The following ERC1 variants were observed in gnomAD, a reference collection of about 807,000 sequenced individuals.
ERC1 encodes the protein ELKS/RAB6-interacting/CAST family member 1.
ERC1 carries 56 observed loss-of-function variants against 132.0 expected under a neutral mutation model. The ratio of observed to expected loss-of-function variants is 0.42; its 90% CI spans 0.34 to 0.53. The LOEUF (loss-of-function observed/expected upper bound fraction) is 0.53, where lower values mean the gene tolerates loss of function less well. Among genes scored for constraint, ERC1 ranks in the 20% least tolerant of loss-of-function variants. The probability of loss-of-function intolerance (pLI) is 0.03; values close to 1 mark genes in which losing one functional copy is unlikely to be tolerated. For synonymous variants in ERC1, 478 were observed against 476.1 expected, an observed-to-expected ratio of 1.00 and a Z score of -0.05; for missense variants, 1,202 against 1,349.9, an observed-to-expected ratio of 0.89 and a Z score of 1.72.
chr12:1,439,270 T>C (rs2093036674), intron 17 of ERC1, among the ~76,000 whole-genome samples: 1 of 152,190 alleles, frequency 6.6e-6, no homozygotes, highest in Admixed American at 6.5e-5. Context: ...TAGAATCTTC[T>C]GTTACTATTT....
intron 15 of ERC1, among the ~76,000 whole-genome samples, chr12:1,356,622 CT>C (rs1001544649): frequency 2.6e-5 from 4 of 152,178 alleles, no homozygotes; most frequent in African/African-American, 4.8e-5. Flanking sequence ...CGCTTCCCAT[CT>C]TTTTATGTCT....
chr12:1,382,893 A>T (rs1201661850), intron 16 of ERC1, among the ~76,000 whole-genome samples: 1 of 152,212 alleles, frequency 6.6e-6, no homozygotes, highest in Non-Finnish European at 1.5e-5. Context: ...GAAATAGATC[A>T]TATTTTGATG....
intron 7 of ERC1, among the ~76,000 whole-genome samples, chr12:1,134,009 G>C (rs1315752213): frequency 6.6e-6 from 1 of 152,188 alleles, no homozygotes; most frequent in Non-Finnish European, 1.5e-5. Context: ...TGGGTTGGAT[G>C]CCAAGCATTG....
At chr12:1,121,687 ATCTCTATCTCTATC>A (rs1947146856) in intron 7 of ERC1, among the ~76,000 whole-genome samples, 1 of 60,382 alleles carries the variant, frequency 1.7e-5, no homozygotes, top group Admixed American at 1.7e-4. Context: ...ATCTATCTCT[ATCTCTATCTCTATC>A]TCTATCTGTG....
At chr12:1,262,846 T>C (rs1764435122) in intron 13 of ERC1, among the ~76,000 whole-genome samples, 188 bp from the exon 14 acceptor site, 1 of 151,272 alleles carries the variant, frequency 6.6e-6, no homozygotes, top group Non-Finnish European at 1.5e-5. Context: ...GTTAATGATA[T>C]ACTTCTTCAG....
At chr12:1,446,685 C>T (rs916642366) in intron 18 of ERC1, among the ~76,000 whole-genome samples, 6 of 152,202 alleles carry the variant, frequency 3.9e-5, no homozygotes, top group African/African-American at 1.4e-4. Context: ...TAGAGCTGTA[C>T]TTACTTTCCC....
intron 15 of ERC1, among the ~76,000 whole-genome samples, chr12:1,341,063 CTTTTTCTTTTTTTTTTTTTTTTTT>C (rs2083801028): frequency 6.6e-5 from 3 of 45,160 alleles, no homozygotes; most frequent in Non-Finnish European, 1.4e-4. Context: ...TTATTCTTTT[CTTTTTCTTTTTTTTTTTTTTTTTT>C]TTTTTTTTTT....
chr12:1,240,105 A>C (rs1027404963), intron 13 of ERC1, among the ~76,000 whole-genome samples: 1 of 152,238 alleles, frequency 6.6e-6, no homozygotes, highest in African/African-American at 2.4e-5. Context: ...TCACTGGCCT[A>C]GGATAGACAG....
chr12:1,252,628 G>T (rs552048870), intron 13 of ERC1, among the ~76,000 whole-genome samples: 1 of 152,212 alleles, frequency 6.6e-6, no homozygotes, highest in East Asian at 1.9e-4. Flanking sequence ...TTTGACTTTG[G>T]TTTTTAACAA....
At chr12:1,414,409 A>G (rs2092006086) in intron 17 of ERC1, among the ~76,000 whole-genome samples, 2 of 152,140 alleles carry the variant, frequency 1.3e-5, no homozygotes, top group Admixed American at 1.3e-4. Flanking sequence ...CACTAATTCT[A>G]TCATGAGGGC....
intron 15 of ERC1, among the ~76,000 whole-genome samples, chr12:1,347,217 G>A (rs1248132506): frequency 6.6e-6 from 1 of 152,146 alleles, no homozygotes. Flanking sequence ...AGTGTAAAAT[G>A]CATCCTAATC....
chr12:1,347,675 A>T (rs890938107), intron 15 of ERC1, among the ~76,000 whole-genome samples: 1 of 152,306 alleles, frequency 6.6e-6, no homozygotes, highest in Non-Finnish European at 1.5e-5. Context: ...CAGGTTAAGA[A>T]TTCAAGGCTT....
chr12:1,410,453 G>C, intron 17 of ERC1: 3 of 1,296,782 alleles, frequency 2.3e-6, no homozygotes, highest in Non-Finnish European at 3.0e-6. Flanking sequence ...TGTTCAGAAC[G>C]GTGAGAAACA....
intron 15 of ERC1, among the ~76,000 whole-genome samples, chr12:1,310,664 C>T (rs546647332): frequency 7.9e-5 from 12 of 152,340 alleles, no homozygotes; most frequent in African/African-American, 2.9e-4. Context: ...AATTTCTGCT[C>T]TTGGGCAGAT....
At chr12:1,434,801 C>G (rs7294606) in intron 17 of ERC1, among the ~76,000 whole-genome samples, 2,648 of 152,316 alleles carry the variant, frequency 0.017, 37 homozygotes, top group Middle Eastern at 0.058. Context: ...TGTAGTATCT[C>G]TGGTGTTTAC....
At chr12:1,196,263 C>G (rs1956217777) in intron 12 of ERC1, among the ~76,000 whole-genome samples, 1 of 152,098 alleles carries the variant, frequency 6.6e-6, no homozygotes, top group Admixed American at 6.6e-5. Context: ...CCTCATCCCC[C>G]ACCCAAATGC....
At chr12:1,069,603 CCT>C (rs1379906522) in intron 2 of ERC1, among the ~76,000 whole-genome samples, 1 of 152,104 alleles carries the variant, frequency 6.6e-6, no homozygotes, top group African/African-American at 2.4e-5. Flanking sequence ...AGTAAACAAT[CCT>C]TATCTCCAGA....
intron 3 of ERC1, among the ~76,000 whole-genome samples, chr12:1,100,606 T>C (rs1053164219): frequency 1.2e-4 from 18 of 151,836 alleles, no homozygotes; most frequent in African/African-American, 3.9e-4. Flanking sequence ...TCCTGATGAG[T>C]TGGATATAGG....
chr12:1,230,898 A>C (rs1478550600), intron 12 of ERC1, among the ~76,000 whole-genome samples: 1 of 151,982 alleles, frequency 6.6e-6, no homozygotes, highest in African/African-American at 2.4e-5. Flanking sequence ...TTTTTTGGTT[A>C]CCATTTCCAT....
Sources: gnomAD v4.1 joint callset for allele counts (sites outside exome capture counted in the v4.1 genomes callset) on GRCh38, gnomAD v4.1.1 for gene constraint, MANE v1.5 for transcripts, NCBI Gene and HGNC (gene_info 2026-07-23, HGNC 2026-07-21) for gene names.